The following HECTD4 variants were observed in gnomAD, a reference collection of about 807,000 sequenced individuals.
The protein encoded by HECTD4 is HECT domain E3 ubiquitin protein ligase 4, also known as probable E3 ubiquitin-protein ligase HECTD4.
HECTD4 carries 114 observed loss-of-function variants against 471.5 expected under a neutral mutation model. The ratio of observed to expected loss-of-function variants is 0.24; its 90% CI spans 0.21 to 0.28. The LOEUF is 0.28. Ranked by LOEUF, HECTD4 falls within the 10% of genes least tolerant of loss-of-function variation. HECTD4 has a pLI of 1.00. For synonymous variants in HECTD4, 2,012 were observed against 2,256.0 expected (o/e 0.89, Z 3.07); for missense variants, 3,866 against 5,651.5 (o/e 0.68, Z 10.13).
rs1402657904 is a variant in HECTD4, at chr12:112,228,184, C to T, written c.6759G>A (p.Glu2253=). The change falls in exon 43 of 76, where the codon GAG becomes GAA. Residue 2253 remains glutamate (E), a synonymous_variant. Coordinates refer to ENST00000682272, the MANE Select transcript of HECTD4 (RefSeq NM_001388303.1). This position sits in a 1 kb window ranked among gnomAD's most constrained non-coding sequence, Gnocchi z 4.9. Reference sequence around the variant, plus strand: ...GTGAGGTGTGAATAGAGAGACTTCCCTCCTGAGGAAGCAACATGGACTGGA... The same window carrying T: ...GTGAGGTGTGAATAGAGAGACTTCCTTCCTGAGGAAGCAACATGGACTGGA... ...QAVQSMLLPQ[E]GSLSIHTSLP... 4.3e-6 allele frequency: 7 copies of T among 1,613,796 alleles called. No individual in the cohort carries two copies. Among genetic ancestry groups the T allele is most frequent in the Non-Finnish European group, 5.9e-6 (7 of 1,179,852 alleles).
chr12:112,363,004 C>T (rs1594075921), intron 1 of HECTD4, among the ~76,000 whole-genome samples: 1 of 151,446 alleles, frequency 6.6e-6, no homozygotes, highest in African/African-American at 2.4e-5. Flanking sequence ...GCCCAGCCTC[C>T]CTTATGCTTT....
intron 68 of HECTD4, 49 bp downstream of exon 68, chr12:112,171,068 C>G: frequency 6.6e-7 from 1 of 1,515,902 alleles, no homozygotes; most frequent in Non-Finnish European, 9.0e-7. Context: ...TGGTGTCTTG[C>G]AGGTCACCTC....
In HECTD4 at chr12:112,282,418, GA is replaced by G. The variant is rs201270254; in HGVS notation, c.1528+691del. ...AACAAAAACAAAAAACAACAACAAC[GA>G]AAAAAAAAGTGCAGAACAATGTATA... On this transcript the variant is annotated intron_variant, in intron 8 of 75. Coordinates refer to ENST00000682272, the MANE Select transcript of HECTD4 (RefSeq NM_001388303.1). 1.4e-3 allele frequency among the ~76,000 whole-genome samples: 205 copies of G among 149,362 alleles called. 4 individuals carry two copies. Among genetic ancestry groups the G allele is most frequent in the Middle Eastern group, 6.8e-3 (2 of 292 alleles).
At chr12:112,189,550 CAAAAAAAAAAAA>C (rs57209316) in intron 60 of HECTD4, among the ~76,000 whole-genome samples, 3 of 30,468 alleles carry the variant, frequency 9.8e-5, no homozygotes, top group East Asian at 9.1e-4. Context: ...GACTCCGTCT[CAAAAAAAAAAAA>C]AAAAAAAAAA....
chr12:112,266,100 C>T (rs148053122), intron 14 of HECTD4, 117 bp from the exon 15 acceptor site: 11 of 656,274 alleles, frequency 1.7e-5, no homozygotes, highest in South Asian at 1.0e-4. Context: ...ACCAGACATA[C>T]GGACTTATAC....
chr12:112,334,081 G>A lies in HECTD4; in HGVS notation c.178-14339C>T, dbSNP rs553229897. ...AAAAATTAGCTGGGTGTGGTGGTGC[G>A]TGCTGTAGTCCCAGCCACTTGGGAG... On this transcript the variant is annotated intron_variant, in intron 1 of 75. Transcript: ENST00000682272. 3.5e-4 allele frequency among the ~76,000 whole-genome samples: 53 copies of A among 152,058 alleles called. No homozygotes were observed. The South Asian group carries it at 4.2e-3, about 12-fold the overall frequency.
At chr12:112,345,525 G>A (rs2036132761) in intron 1 of HECTD4, among the ~76,000 whole-genome samples, 3 of 152,176 alleles carry the variant, frequency 2.0e-5, no homozygotes, top group Admixed American at 2.0e-4. Flanking sequence ...ATTTGTTACA[G>A]AGCCTGGAAG....
intron 67 of HECTD4, among the ~76,000 whole-genome samples, chr12:112,172,007 G>A (rs912191918): frequency 1.3e-5 from 2 of 152,158 alleles, no homozygotes; most frequent in Non-Finnish European, 2.9e-5. Flanking sequence ...GGGTTCAAGC[G>A]ATTCTCCTGC....
intron 7 of HECTD4, among the ~76,000 whole-genome samples, chr12:112,287,484 G>A (rs780608015): frequency 7.2e-5 from 11 of 152,146 alleles, no homozygotes; most frequent in Non-Finnish European, 1.3e-4. Context: ...CCTTTAGGAA[G>A]TAACATAAGG....
chr12:112,178,071 ATTTTCT>A (rs2031521277), intron 64 of HECTD4, among the ~76,000 whole-genome samples: 1 of 152,086 alleles, frequency 6.6e-6, no homozygotes, highest in Non-Finnish European at 1.5e-5. Flanking sequence ...GGCACTATGC[ATTTTCT>A]TTTTCTTTTT....
intron 8 of HECTD4, 28 bp from the exon 9 acceptor site, chr12:112,279,414 C>T: frequency 6.4e-7 from 1 of 1,563,706 alleles, no homozygotes; most frequent in Non-Finnish European, 8.6e-7. Flanking sequence ...AATGCTAAAT[C>T]AAAATATTTG....
chr12:112,270,433 T>A lies in HECTD4; in HGVS notation c.1969A>T (p.Ile657Leu). The A allele has an allele frequency of 6.2e-7, 1 of 1,614,048 alleles. No homozygotes were observed. The highest frequency in any genetic ancestry group is 8.5e-7 in the Non-Finnish European group (1 of 1,179,886). The change falls in exon 12 of 76, where the codon ATA (isoleucine) becomes TTA (leucine). Residue 657 changes from isoleucine to leucine, a missense_variant. This residue lies in a region of HECTD4 where 525 missense variants were observed against 672.6 expected (regional missense o/e 0.78). Coordinates refer to ENST00000682272, the MANE Select transcript of HECTD4 (RefSeq NM_001388303.1). Reference sequence around the variant, plus strand: ...CCAACGTGGTGCAATAATTGGTTTATAACCTCATTCGTGGTTATAGCCTCT... The same window carrying A: ...CCAACGTGGTGCAATAATTGGTTTAAAACCTCATTCGTGGTTATAGCCTCT... ...KEEAITTNEV[I>L]NQLLHHVGAM...
rs1381182989 is a variant in HECTD4, at chr12:112,213,385, G to A, written c.7466-735C>T. Among the ~76,000 whole-genome samples, 2 of 151,834 alleles carry A rather than the reference G, an allele frequency of 1.3e-5. No homozygotes were observed. Among genetic ancestry groups the A allele is most frequent in the African/African-American group, 4.8e-5 (2 of 41,334 alleles). On this transcript the variant is annotated intron_variant, in intron 48 of 75. Transcript: ENST00000682272. This position sits in a 1 kb window ranked among gnomAD's most constrained non-coding sequence, Gnocchi z 4.0. ...CATCTCCGGTGAATATTCAGAAATG[G>A]CCTAAAAATATATAATTTAGGCCGG... is the stretch of plus-strand genomic sequence containing the variant.
intron 1 of HECTD4, among the ~76,000 whole-genome samples, chr12:112,357,379 G>C (rs2036359887): frequency 6.6e-6 from 1 of 152,186 alleles, no homozygotes; most frequent in Non-Finnish European, 1.5e-5. Context: ...AACGCCAATA[G>C]GCTGAACAAC....
intron 1 of HECTD4, among the ~76,000 whole-genome samples, chr12:112,336,471 C>A (rs1167837939): frequency 1.3e-5 from 2 of 151,190 alleles, no homozygotes; most frequent in African/African-American, 4.9e-5. Flanking sequence ...TGCAGTGAGC[C>A]GAGATCGCTC....
chr12:112,226,299 TGAC>T (rs1037167911), intron 44 of HECTD4, among the ~76,000 whole-genome samples: 9 of 152,156 alleles, frequency 5.9e-5, no homozygotes, highest in Admixed American at 5.2e-4. Flanking sequence ...ATGTAGCCAA[TGAC>T]AACAGTCAAA....
intron 4 of HECTD4, among the ~76,000 whole-genome samples, chr12:112,311,323 GCCGTGGCTCGCA>G (rs1001327847): frequency 1.3e-5 from 2 of 151,476 alleles, no homozygotes; most frequent in African/African-American, 4.8e-5. Context: ...CAGGCCAGGC[GCCGTGGCTCGCA>G]CCTACAATCC....
rs1442248563 is a variant in HECTD4, at chr12:112,179,667, T to C, written c.10988-270A>G. ...GCTGCTGTCCTCTGCACTTGGCCCCTACCTGGTTGCTCGGGGACGACAGGC... is the reference window on the plus strand; with the variant it reads ...GCTGCTGTCCTCTGCACTTGGCCCCCACCTGGTTGCTCGGGGACGACAGGC... On this transcript the variant is annotated intron_variant, in intron 62 of 75. Coordinates refer to ENST00000682272, the MANE Select transcript of HECTD4 (RefSeq NM_001388303.1). This position sits in a 1 kb window ranked among gnomAD's most constrained non-coding sequence, Gnocchi z 4.3. Among the ~76,000 whole-genome samples, 1 of 152,180 alleles carries C rather than the reference T, an allele frequency of 6.6e-6. No individual in the cohort carries two copies. The highest frequency in any genetic ancestry group is 2.4e-5 in the African/African-American group (1 of 41,454).
At chr12:112,302,089 G>A (rs772910911) in intron 7 of HECTD4, 1 of 1,376,278 alleles carries the variant, frequency 7.3e-7, no homozygotes, top group Non-Finnish European at 1.0e-6. Context: ...TCTTCCTGTG[G>A]ACTAGACGGC....
Sources: allele counts gnomAD v4.1 joint callset (sites outside exome capture counted in the v4.1 genomes callset), GRCh38; gene constraint gnomAD v4.1.1; regional missense constraint gnomAD v4.1.1; non-coding constraint Gnocchi (gnomAD v3.1); transcripts MANE v1.5; gene names NCBI Gene and HGNC (gene_info 2026-07-23, HGNC 2026-07-21).